The following DCP1A variants were observed in gnomAD, a reference collection of about 807,000 sequenced individuals.
DCP1A encodes decapping mRNA 1A.
DCP1A carries 20 observed loss-of-function variants against 58.0 expected under a neutral mutation model. The observed-to-expected ratio is 0.34, with a 90% CI of 0.24 to 0.50. The LOEUF is 0.50. DCP1A is among the 20% of genes least tolerant of loss of function. The pLI is 0.98. For synonymous variants in DCP1A, 285 were observed against 275.1 expected (o/e 1.04, Z -0.36); for missense variants, 613 against 712.2 (o/e 0.86, Z 1.59).
At chr3:53,318,291 C>T (rs573458622) in intron 4 of DCP1A, among the ~76,000 whole-genome samples, 19 of 151,600 alleles carry the variant, frequency 1.3e-4, no homozygotes, top group African/African-American at 4.4e-4. Flanking sequence ...CGTGACAGAG[C>T]GAGACTCTGT....
chr3:53,291,176 C>A (rs147875033), intron 7 of DCP1A, among the ~76,000 whole-genome samples: 1 of 112,300 alleles, frequency 8.9e-6, no homozygotes, highest in East Asian at 2.2e-4. Flanking sequence ...CCAGAGACAG[C>A]CCAGGAATAT....
intron 6 of DCP1A, among the ~76,000 whole-genome samples, chr3:53,294,699 C>T (rs1419298086): frequency 1.3e-5 from 2 of 152,210 alleles, no homozygotes; most frequent in African/African-American, 4.8e-5. Flanking sequence ...GGCTCTGCTC[C>T]TTTCCAGCTG....
chr3:53,310,754 G>T (rs1248119715), intron 5 of DCP1A, among the ~76,000 whole-genome samples: 1 of 152,148 alleles, frequency 6.6e-6, no homozygotes, highest in Non-Finnish European at 1.5e-5. Context: ...CTAATTCTCT[G>T]TGAGACATTG....
At position 53,291,430 on chromosome 3, in the gene DCP1A, A is replaced by ATT. The variant is rs1262290309; in HGVS notation, c.1384-576_1384-575dup. ...ATTAAATACAGGTCTTATTCATTCT[A>ATT]TTTTTTTTTTTTTGTATGCATTCAC... On this transcript the variant is annotated intron_variant, in intron 7 of 9. Transcript: ENST00000610213. Among the ~76,000 whole-genome samples the ATT allele has an allele frequency of 6.2e-4, 88 of 142,184 alleles. 1 individual carries two copies. Among genetic ancestry groups the ATT allele is most frequent in the African/African-American group, 1.9e-3 (75 of 38,962 alleles). The allele number at this position is 142,184 out of a possible 152,430, so 93.3% of individuals were successfully genotyped here. A position where few individuals can be genotyped will look rare whatever the true frequency, so the allele number is the denominator to read the frequency against.
At chr3:53,342,896 GA>G (rs781824386) in intron 2 of DCP1A, among the ~76,000 whole-genome samples, 1 of 152,148 alleles carries the variant, frequency 6.6e-6, no homozygotes, top group South Asian at 2.1e-4. Context: ...GTTGCTGAAT[GA>G]AATATCATTC....
chr3:53,329,205 G>A (rs1708192045), intron 3 of DCP1A: 6 of 394,422 alleles, frequency 1.5e-5, no homozygotes, highest in Non-Finnish European at 2.2e-5. Context: ...TCTGAGACTT[G>A]CCCTTGAACT....
chr3:53,290,792 G>T lies in DCP1A; in HGVS notation c.1448C>A (p.Pro483Gln). 6.5e-7 allele frequency: 1 copy of T among 1,528,496 alleles called. No homozygotes were observed. The allele number at this position is 1,528,496 out of a possible 1,614,324, so 94.7% of individuals were successfully genotyped here. Reference protein sequence around the residue: ...VQPKVLSSAIPVAGAPLVTAT... With the variant: ...VQPKVLSSAIQVAGAPLVTAT... ...AAAAAAAAAAAAGCGAGTCCTTACC[G>T]GGATGGCACTGGATAACACCTTAGG... Residue 483 changes from proline to glutamine, a missense_variant and splice_region_variant, in exon 8 of 10, where the codon CCG becomes CAG. By Grantham distance (76) the Pro-to-Gln change is moderately conservative. Around this residue, in one of 3 missense-constraint regions of DCP1A, gnomAD observed 498 missense variants for 556.7 expected, o/e 0.89. Transcript: ENST00000610213.
intron 8 of DCP1A, among the ~76,000 whole-genome samples, chr3:53,289,646 AT>A (rs1273661650): frequency 1.3e-5 from 2 of 151,792 alleles, no homozygotes; most frequent in Non-Finnish European, 2.9e-5. Context: ...TGTTCAATCT[AT>A]TTTTTTATAC....
At chr3:53,333,407 G>C (rs1553691554) in intron 3 of DCP1A, among the ~76,000 whole-genome samples, 1 of 152,020 alleles carries the variant, frequency 6.6e-6, no homozygotes, top group Non-Finnish European at 1.5e-5. Flanking sequence ...GCCTCCCAAA[G>C]TACTGGGATT....
rs1375377867 is a variant in DCP1A at position 53,287,337 on chromosome 3, GCTCTCT to G, written c.*237_*242del. On this transcript the variant is annotated 3_prime_UTR_variant, in exon 10 of 10. Transcript: ENST00000610213. The stretch of plus-strand genomic sequence containing the variant: ...ACCCACATAACTTAACACAATGATC[GCTCTCT>G]TTTTTTTTTTTTTTTTTTTTTTTTT... 2 of 391,956 alleles carry G rather than the reference GCTCTCT, an allele frequency of 5.1e-6. No homozygotes were observed. Among genetic ancestry groups the G allele is most frequent in the Non-Finnish European group, 8.9e-6 (2 of 225,922 alleles). 24.3% of individuals were successfully genotyped at this position (391,956 alleles called of 1,614,324 possible). A position where few individuals can be genotyped will look rare whatever the true frequency, so the allele number is the denominator to read the frequency against.
chr3:53,345,221 A>G (rs151084872), intron 1 of DCP1A, among the ~76,000 whole-genome samples: 303 of 152,316 alleles, frequency 2.0e-3, no homozygotes, highest in African/African-American at 5.1e-3. Context: ...GGAGAAAATC[A>G]TAGAATAAAC....
chr3:53,303,063 C>T (rs908152921), intron 6 of DCP1A, among the ~76,000 whole-genome samples: 13 of 152,042 alleles, frequency 8.6e-5, no homozygotes, highest in African/African-American at 3.1e-4. Context: ...GAGGCTCCTA[C>T]CTCAGCCTCC....
At chr3:53,331,422 G>A (rs549526144) in intron 3 of DCP1A, among the ~76,000 whole-genome samples, 55 of 152,196 alleles carry the variant, frequency 3.6e-4, no homozygotes, top group Non-Finnish European at 3.7e-4. Context: ...TTCACTGTAC[G>A]TTTTCTCTTA....
chr3:53,304,220 C>T lies in DCP1A; in HGVS notation c.581G>A (p.Ser194Asn). ...GGGCATTTCTTCTAGAGTCTCGGTG[C>T]TTCCCAGATTGGAGAGCTGAGTGCT... ...QPSTQLSNLGSTETLEEMPSG... is the reference protein window; with the variant it reads ...QPSTQLSNLGNTETLEEMPSG... Residue 194 changes from serine to asparagine, a missense_variant, in exon 6 of 10, where the codon AGC becomes AAC. Coordinates refer to ENST00000610213, the MANE Select transcript of DCP1A (RefSeq NM_018403.7). 2 of 1,613,798 alleles carry T rather than the reference C, an allele frequency of 1.2e-6. No homozygotes were observed. Among genetic ancestry groups the T allele is most frequent in the Non-Finnish European group, 1.7e-6 (2 of 1,179,826 alleles).
chr3:53,290,796 T>C lies in DCP1A; in HGVS notation c.1444A>G (p.Ile482Val), dbSNP rs1156627758. Residue 482 changes from isoleucine to valine, a missense_variant, in exon 8 of 10, where the codon ATC becomes GTC. Ile to Val is a conservative substitution (Grantham distance 29). Transcript: ENST00000610213. ...FVQPKVLSSA[I>V]PVAGAPLVTA... ...AAAAAAAAGCGAGTCCTTACCGGGA[T>C]GGCACTGGATAACACCTTAGGCTGC... 5 of 1,383,166 alleles carry C rather than the reference T, an allele frequency of 3.6e-6. No individual in the cohort carries two copies. The East Asian group carries it at 1.2e-4, about 33-fold the overall frequency. 85.7% of individuals were successfully genotyped at this position (1,383,166 alleles called of 1,614,324 possible).
At chr3:53,335,855 C>T (rs1553691848) in intron 3 of DCP1A, among the ~76,000 whole-genome samples, 1 of 152,092 alleles carries the variant, frequency 6.6e-6, no homozygotes, top group South Asian at 2.1e-4. Context: ...GAGACAGGGT[C>T]TCACTATCAC....
intron 4 of DCP1A, among the ~76,000 whole-genome samples, chr3:53,317,482 G>C (rs1041906791): frequency 3.3e-5 from 5 of 152,124 alleles, no homozygotes; most frequent in Non-Finnish European, 7.4e-5. Context: ...TGTCTTCTAG[G>C]TAACCACAAG....
chr3:53,326,986 C>A (rs1009525280), intron 3 of DCP1A, among the ~76,000 whole-genome samples: 37 of 151,272 alleles, frequency 2.4e-4, no homozygotes, highest in Admixed American at 1.4e-3. Flanking sequence ...ACCCCCCCCC[C>A]CCAACTGGTA....
intron 3 of DCP1A, among the ~76,000 whole-genome samples, chr3:53,325,622 T>C (rs894838415): frequency 5.3e-5 from 8 of 152,164 alleles, no homozygotes; most frequent in Non-Finnish European, 1.2e-4. Flanking sequence ...AAAAATGGAA[T>C]AGGTATATAA....
Sources: allele counts gnomAD v4.1 joint callset (sites outside exome capture counted in the v4.1 genomes callset), GRCh38; gene constraint gnomAD v4.1.1; regional missense constraint gnomAD v4.1.1; transcripts MANE v1.5; gene names NCBI Gene and HGNC (gene_info 2026-07-23, HGNC 2026-07-21).